TBC1D1: variants seen among roughly 807,000 people sequenced by gnomAD.
The protein encoded by TBC1D1 is TBC1 (tre-2/USP6, BUB2, cdc16) domain family, member 1.
Under a neutral mutation model 125.6 loss-of-function variants are expected in TBC1D1, and 89 were observed. That is an observed-to-expected ratio of 0.71 (90% CI 0.60 to 0.85). TBC1D1 has a LOEUF of 0.85. Among genes scored for constraint, TBC1D1 ranks in the 40% least tolerant of loss-of-function variants. The pLI is 0.00. For synonymous variants in TBC1D1, 565 were observed against 564.1 expected, an observed-to-expected ratio of 1.00 and a Z score of -0.02; for missense variants, 1,377 against 1,469.2, an observed-to-expected ratio of 0.94 and a Z score of 1.03.
chr4:38,094,990 G>T (rs1759090695), intron 13 of TBC1D1, among the ~76,000 whole-genome samples: 1 of 151,648 alleles, frequency 6.6e-6, no homozygotes, highest in Non-Finnish European at 1.5e-5. Flanking sequence ...AATATTCATT[G>T]CAGTTCTAAA....
chr4:37,929,217 A>G (rs149230886), intron 2 of TBC1D1, among the ~76,000 whole-genome samples: 2,568 of 152,322 alleles, frequency 0.017, 24 homozygotes, highest in Middle Eastern at 0.031. Context: ...CTGTCTATTC[A>G]TCTACCAGTC....
At chr4:37,947,640 G>C (rs1328295489) in intron 2 of TBC1D1, among the ~76,000 whole-genome samples, 3 of 152,134 alleles carry the variant, frequency 2.0e-5, no homozygotes, top group Non-Finnish European at 4.4e-5. Context: ...AATTTTGTTT[G>C]TGGAGGCAGG....
At chr4:38,121,395 A>G (rs1186655837) in intron 17 of TBC1D1, among the ~76,000 whole-genome samples, 1 of 152,248 alleles carries the variant, frequency 6.6e-6, no homozygotes, top group East Asian at 1.9e-4. Context: ...AAATGTCCTC[A>G]AAGAAAAGCA....
intron 2 of TBC1D1, among the ~76,000 whole-genome samples, chr4:37,984,748 C>T (rs941446682): frequency 6.0e-5 from 9 of 150,690 alleles, no homozygotes; most frequent in African/African-American, 2.2e-4. Flanking sequence ...GAGGCTGAGG[C>T]ACGAGAATTC....
At chr4:37,943,624 G>T (rs111937277) in intron 2 of TBC1D1, among the ~76,000 whole-genome samples, 1 of 151,906 alleles carries the variant, frequency 6.6e-6, no homozygotes, top group Non-Finnish European at 1.5e-5. Context: ...CCAGTTAATC[G>T]AATCAGCTAC....
rs563301626 is a variant in TBC1D1, at chr4:38,014,785, A to T, written c.694A>T (p.Met232Leu). The change falls in exon 3 of 20, where the codon ATG (methionine) becomes TTG (leucine). Residue 232 changes from methionine (M) to leucine (L), a missense_variant. Met to Leu is a conservative substitution (Grantham distance 15). Transcript: ENST00000261439. This position sits in a 1 kb window ranked among gnomAD's most constrained non-coding sequence, Gnocchi z 5.1. ...GAGCCAGGAGCCTGTGCGCAGGCCC[A>T]TGCGCAAGTCCTTCTCCCAGCCCGG... 1.7e-4 allele frequency: 229 copies of T among 1,365,214 alleles called. 4 individuals are homozygous for T. In the South Asian group the frequency reaches 2.4e-3, roughly 15 times the overall value. 84.6% of individuals were successfully genotyped at this position (1,365,214 alleles called of 1,614,324 possible). A position where few individuals can be genotyped will look rare whatever the true frequency, so the allele number is the denominator to read the frequency against.
intron 18 of TBC1D1, among the ~76,000 whole-genome samples, chr4:38,129,950 A>G (rs1406758024): frequency 1.3e-5 from 2 of 152,230 alleles, no homozygotes; most frequent in East Asian, 3.8e-4. Context: ...CAATTTGGCG[A>G]AACATATCCC....
At chr4:38,100,671 C>T (rs1010099805) in intron 14 of TBC1D1, among the ~76,000 whole-genome samples, 2 of 152,018 alleles carry the variant, frequency 1.3e-5, no homozygotes, top group African/African-American at 4.8e-5. Context: ...AGGATGTGGT[C>T]ATGGTTTACA....
Position 38,014,612 on chromosome 4 carries a change from A to AGGTGCTCTTCTGC in TBC1D1, c.524_536dup (p.Arg180AlafsTer72). 1 of 1,613,400 alleles carries AGGTGCTCTTCTGC rather than the reference A, an allele frequency of 6.2e-7. No homozygotes were observed. The highest frequency in any genetic ancestry group is 8.5e-7 in the Non-Finnish European group (1 of 1,180,010). Reference sequence around the variant, plus strand: ...GACGACACGTTTTCCAAGAAGTTCGAGGTGCTCTTCTGCGGCCGCGTGACG... The same window carrying AGGTGCTCTTCTGC: ...GACGACACGTTTTCCAAGAAGTTCGAGGTGCTCTTCTGCGGTGCTCTTCTGCGGCCGCGTGACG... On this transcript the variant is annotated frameshift_variant, in exon 3 of 20. Transcript: ENST00000261439. LOFTEE classifies it high-confidence loss of function. This position sits in a 1 kb window ranked among gnomAD's most constrained non-coding sequence, Gnocchi z 5.1.
intron 2 of TBC1D1, among the ~76,000 whole-genome samples, chr4:38,001,868 T>C (rs1739159376): frequency 2.0e-5 from 3 of 152,242 alleles, no homozygotes; most frequent in African/African-American, 7.2e-5. Flanking sequence ...CTTGATCTTG[T>C]TAAATATGGC....
At chr4:38,107,451 A>G (rs1761509605) in intron 15 of TBC1D1, among the ~76,000 whole-genome samples, 1 of 152,236 alleles carries the variant, frequency 6.6e-6, no homozygotes, top group Admixed American at 6.5e-5. Flanking sequence ...AGTTTTCCTT[A>G]AAAAGTGACC....
intron 12 of TBC1D1, among the ~76,000 whole-genome samples, chr4:38,077,366 A>C: frequency 6.6e-6 from 1 of 152,204 alleles, no homozygotes; most frequent in Non-Finnish European, 1.5e-5. Flanking sequence ...CTGAATTGGA[A>C]AGCTGCAGCT....
intron 2 of TBC1D1, among the ~76,000 whole-genome samples, chr4:37,970,725 A>T (rs987758714): frequency 5.3e-5 from 8 of 152,210 alleles, no homozygotes; most frequent in African/African-American, 1.9e-4. Context: ...TCCTGCAAGG[A>T]CTTCTGTGGC....
intron 19 of TBC1D1, among the ~76,000 whole-genome samples, chr4:38,135,910 A>G (rs995372828): frequency 2.9e-5 from 4 of 138,460 alleles, no homozygotes; most frequent in African/African-American, 1.1e-4. Flanking sequence ...GTGTATATAT[A>G]CGTGTGTGTG....
intron 12 of TBC1D1, among the ~76,000 whole-genome samples, chr4:38,061,674 G>A (rs1241672067): frequency 2.0e-5 from 3 of 152,170 alleles, no homozygotes; most frequent in Non-Finnish European, 4.4e-5. Flanking sequence ...TCTTGTGGAT[G>A]TAGCTATGTC....
chr4:38,020,681 A>G lies in TBC1D1; in HGVS notation c.1063A>G (p.Thr355Ala), dbSNP rs768297931. The G allele has an allele frequency of 6.2e-7, 1 of 1,612,314 alleles. No homozygotes were observed. The change falls in exon 5 of 20, where the codon ACA becomes GCA. Residue 355 changes from threonine (T) to alanine (A), a missense_variant. This residue lies in a region of TBC1D1 where 822 missense variants were observed against 824.6 expected (regional missense o/e 1.00). Transcript: ENST00000261439. Reference sequence around the variant, plus strand: ...TTTTGTCTGTTACGTGTTTCAGTGCACAAATGAGGCTCTGGTGAGAGAGGA... The same window carrying G: ...TTTTGTCTGTTACGTGTTTCAGTGCGCAAATGAGGCTCTGGTGAGAGAGGA...
chr4:37,970,942 C>CT (rs1731888998), intron 2 of TBC1D1, among the ~76,000 whole-genome samples: 1 of 94,334 alleles, frequency 1.1e-5, no homozygotes, highest in African/African-American at 5.1e-5. Flanking sequence ...GCCTCACTGG[C>CT]CCCCCCCACT....
intron 2 of TBC1D1, among the ~76,000 whole-genome samples, chr4:37,974,779 G>A (rs1327224100): frequency 2.0e-5 from 3 of 151,968 alleles, no homozygotes; most frequent in Non-Finnish European, 4.4e-5. Flanking sequence ...GGGTGGTCTT[G>A]AACTCCTGAC....
intron 14 of TBC1D1, among the ~76,000 whole-genome samples, chr4:38,101,523 G>A (rs1760329929): frequency 1.3e-5 from 2 of 152,192 alleles, no homozygotes; most frequent in Non-Finnish European, 2.9e-5. Context: ...ATCACTGTGA[G>A]TATTCAAATT....
Sources: gnomAD v4.1 joint callset for allele counts (sites outside exome capture counted in the v4.1 genomes callset) on GRCh38, gnomAD v4.1.1 for gene constraint, gnomAD v4.1.1 regional missense constraint, Gnocchi (gnomAD v3.1) non-coding constraint, MANE v1.5 for transcripts, NCBI Gene and HGNC (gene_info 2026-07-23, HGNC 2026-07-21) for gene names.